RBFOX1: variants seen among roughly 807,000 people sequenced by gnomAD.
RBFOX1 encodes RNA binding protein fox-1 homolog 1.
RBFOX1 carries 8 observed loss-of-function variants against 57.7 expected under a neutral mutation model. The observed-to-expected ratio is 0.14, with a 90% confidence interval of 0.08 to 0.25. The LOEUF is 0.25. Ranked by LOEUF, RBFOX1 falls within the 10% of genes least tolerant of loss-of-function variation. The probability of loss-of-function intolerance (pLI) is 1.00; values close to 1 mark genes in which losing one functional copy is unlikely to be tolerated. For missense variants in RBFOX1, 611 were observed against 548.5 expected, an observed-to-expected ratio of 1.11 and a Z score of -1.14; for synonymous variants, 326 against 222.4, an observed-to-expected ratio of 1.47 and a Z score of -4.15.
In RBFOX1 at chr16:5,576,639, T is replaced by G. The variant is rs544145782; in HGVS notation, c.259-22263T>G. Among the ~76,000 whole-genome samples, 7 of 152,346 alleles carry G rather than the reference T, an allele frequency of 4.6e-5. No homozygotes were observed. The East Asian group carries it at 9.6e-4, about 21-fold the overall frequency. On this transcript the variant is annotated intron_variant, in intron 2 of 2. Coordinates refer to the RBFOX1 transcript ENST00000585867. ...GTGCCAAAGTCCATTTTCCGCTGGT[T>G]TTGGAGGTATGGCAGGAATGCCATC...
At chr16:7,228,649 T>A (rs966860431) in intron 4 of RBFOX1, among the ~76,000 whole-genome samples, 1 of 152,244 alleles carries the variant, frequency 6.6e-6, no homozygotes, top group African/African-American at 2.4e-5. Flanking sequence ...AATCTTCTTT[T>A]CTCTTTGCAC....
intron 4 of RBFOX1, among the ~76,000 whole-genome samples, chr16:5,887,679 C>A (rs1275545503): frequency 6.6e-6 from 1 of 152,146 alleles, no homozygotes; most frequent in Non-Finnish European, 1.5e-5. Context: ...GCTGGAATTA[C>A]AGATGTGAGC....
intron 3 of RBFOX1, among the ~76,000 whole-genome samples, chr16:6,873,508 G>A (rs2061313304): frequency 6.6e-6 from 1 of 152,128 alleles, no homozygotes; most frequent in Admixed American, 6.6e-5. Flanking sequence ...GGCTATGACA[G>A]TGGATTATGG....
At chr16:7,336,274 T>G (rs1407672457) in intron 4 of RBFOX1, among the ~76,000 whole-genome samples, 1 of 152,166 alleles carries the variant, frequency 6.6e-6, no homozygotes, top group East Asian at 1.9e-4. Context: ...TTGGTTAGTG[T>G]TTGGGTCTAA....
At position 5,335,671 on chromosome 16, in the gene RBFOX1, C is replaced by T. The variant is rs1051180948; in HGVS notation, c.219+95566C>T. Among the ~76,000 whole-genome samples the T allele has an allele frequency of 2.0e-5, 3 of 151,990 alleles. No homozygotes were observed. The East Asian group carries it at 5.8e-4, about 29-fold the overall frequency. ...TGTTGGTTTTTTGTGTGTGGAGTGG[C>T]ACGGTGTGGGGGTGGGAAGGATTTC... On this transcript the variant is annotated intron_variant, in intron 1 of 2. Transcript: ENST00000585867.
chr16:6,863,152 A>T (rs532186310), intron 3 of RBFOX1, among the ~76,000 whole-genome samples: 1 of 152,242 alleles, frequency 6.6e-6, no homozygotes, highest in African/African-American at 2.4e-5. Flanking sequence ...GCAGGGGATC[A>T]AAAGTCTAGG....
At chr16:5,446,091 A>G (rs1292262599) in intron 1 of RBFOX1, among the ~76,000 whole-genome samples, 2 of 152,240 alleles carry the variant, frequency 1.3e-5, no homozygotes, top group Non-Finnish European at 2.9e-5. Flanking sequence ...TCAGGGTTGT[A>G]CTGCAGTCTT....
intron 2 of RBFOX1, among the ~76,000 whole-genome samples, chr16:6,606,984 A>G (rs184520119): frequency 1.6e-4 from 24 of 152,270 alleles, no homozygotes; most frequent in Non-Finnish European, 2.8e-4. Context: ...ACAGTGTAAA[A>G]GCATTCCTAT....
At chr16:5,246,383 T>C (rs965250607) in intron 1 of RBFOX1, among the ~76,000 whole-genome samples, 7 of 152,352 alleles carry the variant, frequency 4.6e-5, no homozygotes, top group South Asian at 2.1e-4. Context: ...CATGATGTGA[T>C]TGAAGTATGT....
intron 4 of RBFOX1, among the ~76,000 whole-genome samples, chr16:7,365,033 C>T (rs555150991): frequency 1.2e-4 from 19 of 152,226 alleles, no homozygotes; most frequent in African/African-American, 3.1e-4. Context: ...TCCGTCCGTC[C>T]GTCTGTCCGT....
chr16:5,648,153 C>T (rs930413060), intron 3 of RBFOX1, among the ~76,000 whole-genome samples: 1 of 152,168 alleles, frequency 6.6e-6, no homozygotes. Context: ...AGCCACTGCA[C>T]CTGGCCACCT....
At chr16:7,382,324 C>T (rs955586885) in intron 4 of RBFOX1, among the ~76,000 whole-genome samples, 2 of 152,124 alleles carry the variant, frequency 1.3e-5, no homozygotes, top group Non-Finnish European at 2.9e-5. Context: ...TATCCACAGC[C>T]CTCAAGAGTT....
intron 4 of RBFOX1, among the ~76,000 whole-genome samples, chr16:7,498,119 G>A (rs2069308185): frequency 6.6e-6 from 1 of 152,182 alleles, no homozygotes; most frequent in Non-Finnish European, 1.5e-5. Flanking sequence ...TGGGGTTGAT[G>A]CTGTAATTGT....
intron 4 of RBFOX1, among the ~76,000 whole-genome samples, chr16:7,485,765 C>G (rs1032328392): frequency 3.3e-5 from 5 of 152,224 alleles, no homozygotes; most frequent in African/African-American, 1.2e-4. Context: ...TCTCTCATGT[C>G]TGAATATTAC....
intron 3 of RBFOX1, among the ~76,000 whole-genome samples, chr16:5,787,936 A>G (rs947455024): frequency 6.6e-6 from 1 of 152,222 alleles, no homozygotes; most frequent in African/African-American, 2.4e-5. Flanking sequence ...GGCAGAGACA[A>G]GAGAGAGGCA....
rs151177772 is a variant in RBFOX1 at position 6,824,983 on chromosome 16, G to GTTTTTTTTTTTTTT, written c.-16+170351_-16+170364dup. On this transcript the variant is annotated intron_variant, in intron 3 of 15. Coordinates refer to ENST00000550418, the MANE Select transcript of RBFOX1 (RefSeq NM_018723.4). ...GGATTTCTTTTTTCTTTCTTTCTTG[G>GTTTTTTTTTTTTTT]TTTTTTTTTTTTTTTTTTTTTTTTT... is the stretch of plus-strand genomic sequence containing the variant. Among the ~76,000 whole-genome samples, 126 of 36,910 alleles carry GTTTTTTTTTTTTTT rather than the reference G, an allele frequency of 3.4e-3. 27 individuals are homozygous for GTTTTTTTTTTTTTT. Among genetic ancestry groups the GTTTTTTTTTTTTTT allele is most frequent in the Non-Finnish European group, 5.5e-3 (93 of 16,930 alleles). The allele number at this position is 36,910 out of a possible 152,430, so 24.2% of individuals were successfully genotyped here. A position where few individuals can be genotyped will look rare whatever the true frequency, so the allele number is the denominator to read the frequency against.
intron 3 of RBFOX1, among the ~76,000 whole-genome samples, chr16:6,897,735 G>T (rs969431689): frequency 6.6e-6 from 1 of 152,180 alleles, no homozygotes; most frequent in South Asian, 2.1e-4. Context: ...AGAGGTTGCA[G>T]TGTGCTGAGA....
At chr16:5,558,058 G>A (rs35346850) in intron 2 of RBFOX1, among the ~76,000 whole-genome samples, 62,065 of 151,948 alleles carry the variant, frequency 0.41, 12,953 homozygotes, top group East Asian at 0.5. Context: ...TCTATCCCCC[G>A]CTTCCAGCTC....
chr16:6,569,018 C>T (rs73537299), intron 2 of RBFOX1, among the ~76,000 whole-genome samples: 6,916 of 152,180 alleles, frequency 0.045, 535 homozygotes, highest in African/African-American at 0.16. Flanking sequence ...AATGATCTGC[C>T]TACCTCAGCC....
Sources: allele counts gnomAD v4.1 joint callset (sites outside exome capture counted in the v4.1 genomes callset), GRCh38; gene constraint gnomAD v4.1.1; transcripts MANE v1.5; gene names NCBI Gene and HGNC (gene_info 2026-07-23, HGNC 2026-07-21).